LGR5: variants seen among roughly 807,000 people sequenced by gnomAD.
LGR5 encodes leucine rich repeat containing G protein-coupled receptor 5, also known as leucine-rich repeat-containing G protein-coupled receptor 5.
Under a neutral mutation model 76.7 loss-of-function variants are expected in LGR5, and 54 were observed. The ratio of observed to expected loss-of-function variants is 0.70; its 90% confidence interval spans 0.57 to 0.88. The LOEUF (loss-of-function observed/expected upper bound fraction) is 0.88. Ranked by LOEUF, LGR5 falls within the 40% of genes least tolerant of loss-of-function variation. The probability of loss-of-function intolerance (pLI) is 0.00; values close to 1 mark genes in which losing one functional copy is unlikely to be tolerated. For missense variants in LGR5, 1,078 were observed against 1,073.3 expected, an observed-to-expected ratio of 1.00 and a Z score of -0.06; for synonymous variants, 406 against 421.9, an observed-to-expected ratio of 0.96 and a Z score of 0.46.
chr12:71,481,828 C>T (rs1181081192), intron 1 of LGR5, among the ~76,000 whole-genome samples: 1 of 151,792 alleles, frequency 6.6e-6, no homozygotes, highest in East Asian at 1.9e-4. Context: ...TGAAATGTTG[C>T]CTGGGGGGTA....
intron 1 of LGR5, among the ~76,000 whole-genome samples, chr12:71,457,141 T>C (rs1180911987): frequency 2.0e-5 from 3 of 152,168 alleles, no homozygotes; most frequent in African/African-American, 7.2e-5. Flanking sequence ...AAATGCTAGC[T>C]AAGGGGTTAC....
intron 13 of LGR5, 138 bp from the exon 14 acceptor site, chr12:71,577,787 A>C (rs1878922516): frequency 1.7e-6 from 1 of 597,132 alleles, no homozygotes. Flanking sequence ...TGATAATCTG[A>C]AGGGCAGTTT....
At chr12:71,583,581 G>A in intron 17 of LGR5, 66 bp from the exon 18 acceptor site, 1 of 1,521,798 alleles carries the variant, frequency 6.6e-7, no homozygotes, top group African/African-American at 1.4e-5. Flanking sequence ...AGAGACAAAA[G>A]GGTAATTCAG....
At chr12:71,538,044 G>A (rs1169078962) in intron 4 of LGR5, among the ~76,000 whole-genome samples, 1 of 152,022 alleles carries the variant, frequency 6.6e-6, no homozygotes, top group South Asian at 2.1e-4. Context: ...CTTGATAGGG[G>A]CTGTGAGCTC....
chr12:71,524,412 T>G lies in LGR5; in HGVS notation c.291T>G (p.Leu97=), dbSNP rs1228413814. Residue 97 remains leucine (L), a synonymous_variant, in exon 3 of 18, where the codon CTT becomes CTG. Coordinates refer to ENST00000266674, the MANE Select transcript of LGR5 (RefSeq NM_003667.4). The part of the protein sequence containing the change: ...PSLRFLEELR[L]AGNALTYIPK... ...TCTCCATTGAAACCCACAGACGTCT[T>G]GCGGGAAACGCTCTGACATACATTC... 1.2e-6 allele frequency: 2 copies of G among 1,612,038 alleles called. No homozygotes were observed. Among genetic ancestry groups the G allele is most frequent in the East Asian group, 2.2e-5 (1 of 44,800 alleles).
chr12:71,578,967 G>A, intron 15 of LGR5, 38 bp downstream of exon 15: 1 of 1,560,556 alleles, frequency 6.4e-7, no homozygotes, highest in Non-Finnish European at 8.7e-7. Context: ...TACATTTGTG[G>A]TCATGTGAAA....
intron 4 of LGR5, 52 bp from the exon 5 acceptor site, chr12:71,553,021 C>T: frequency 6.4e-7 from 1 of 1,554,922 alleles, no homozygotes; most frequent in South Asian, 1.1e-5. Flanking sequence ...CAAAGTTGAC[C>T]TTCTGCTTGG....
intron 2 of LGR5, among the ~76,000 whole-genome samples, chr12:71,508,752 C>CAAAAAA (rs35401076): frequency 1.8e-4 from 5 of 28,122 alleles, no homozygotes; most frequent in African/African-American, 3.7e-4. Context: ...GACTCAGTCT[C>CAAAAAA]AAAAAAAAAA....
intron 1 of LGR5, among the ~76,000 whole-genome samples, chr12:71,472,123 A>G (rs976337787): frequency 2.0e-5 from 3 of 152,140 alleles, no homozygotes; most frequent in Non-Finnish European, 2.9e-5. Context: ...GTAACCACAC[A>G]CCACCTGTTC....
upstream of LGR5, among the ~76,000 whole-genome samples, chr12:71,439,356 TTTTTG>T (rs1248679685): frequency 6.6e-6 from 1 of 152,096 alleles, no homozygotes; most frequent in Non-Finnish European, 1.5e-5. Flanking sequence ...AGTTTTTGTG[TTTTTG>T]TTTTGTTTTA....
intron 4 of LGR5, among the ~76,000 whole-genome samples, chr12:71,549,969 G>T (rs1176073661): frequency 6.6e-6 from 1 of 152,110 alleles, no homozygotes; most frequent in Non-Finnish European, 1.5e-5. Flanking sequence ...ATTCATAAAA[G>T]ATATTTGTCC....
chr12:71,533,487 C>T (rs752878278), intron 3 of LGR5, among the ~76,000 whole-genome samples: 2 of 152,220 alleles, frequency 1.3e-5, no homozygotes, highest in Non-Finnish European at 2.9e-5. Context: ...GGCCCTTCCT[C>T]AGACCTACTA....
chr12:71,582,967 A>C (rs1879155808), intron 17 of LGR5, among the ~76,000 whole-genome samples: 1 of 140,858 alleles, frequency 7.1e-6, no homozygotes, highest in Non-Finnish European at 1.5e-5. Flanking sequence ...GAAGGAAGAA[A>C]GGAAGGAAGG....
chr12:71,508,838 C>A (rs570800010), intron 2 of LGR5, among the ~76,000 whole-genome samples: 1 of 148,220 alleles, frequency 6.7e-6, no homozygotes, highest in Non-Finnish European at 1.5e-5. Flanking sequence ...ACAGCTATTA[C>A]AGAAAATTGT....
At chr12:71,455,923 C>T (rs548712685) in intron 1 of LGR5, among the ~76,000 whole-genome samples, 8 of 152,146 alleles carry the variant, frequency 5.3e-5, no homozygotes, top group Non-Finnish European at 1.2e-4. Flanking sequence ...TCCTCTAAAA[C>T]ACTGAGAGAT....
intron 11 of LGR5, 116 bp from the exon 12 acceptor site, chr12:71,571,398 T>C (rs1878603610): frequency 1.6e-6 from 1 of 643,070 alleles, no homozygotes; most frequent in Non-Finnish European, 2.6e-6. Flanking sequence ...GCTATGAAAA[T>C]GTTCAGAGTC....
chr12:71,439,223 T>C (rs547914190), upstream of LGR5, among the ~76,000 whole-genome samples: 45 of 152,284 alleles, frequency 3.0e-4, no homozygotes, highest in Non-Finnish European at 6.0e-4. Context: ...AGAGCTTTGA[T>C]TTTAGGGCAA....
At position 71,566,678 on chromosome 12, in the gene LGR5, G is replaced by A; in HGVS notation, c.976G>A (p.Gly326Arg). The A allele has an allele frequency of 1.2e-6, 2 of 1,613,466 alleles. No individual in the cohort carries two copies. Among genetic ancestry groups the A allele is most frequent in the South Asian group, 1.1e-5 (1 of 91,072 alleles). Reference protein sequence around the residue: ...SQITEFPDLTGTANLESLTLT... With the variant: ...SQITEFPDLTRTANLESLTLT... ...AATAACTGAATTTCCTGATTTAACT[G>A]GAACTGCAAACCTGGAGAGTCTGTA... Residue 326 changes from glycine (G) to arginine (R), a missense_variant, in exon 10 of 18, where the codon GGA (glycine) becomes AGA (arginine). Transcript: ENST00000266674.
At chr12:71,476,686 G>T (rs1873349768) in intron 1 of LGR5, among the ~76,000 whole-genome samples, 1 of 152,182 alleles carries the variant, frequency 6.6e-6, no homozygotes, top group African/African-American at 2.4e-5. Flanking sequence ...ATGGTCAAAA[G>T]AACTAGTTCT....
Sources: gnomAD v4.1 joint callset for allele counts (sites outside exome capture counted in the v4.1 genomes callset) on GRCh38, gnomAD v4.1.1 for gene constraint, MANE v1.5 for transcripts, NCBI Gene and HGNC (gene_info 2026-07-23, HGNC 2026-07-21) for gene names.